Variants in ERFE observed in about 807,000 individuals in gnomAD.
ERFE encodes complement C1q tumor necrosis factor-related protein 15.
In ERFE, 25 loss-of-function variants were observed where a neutral mutation model predicts 26.6. That is an observed-to-expected ratio of 0.94 (90% CI 0.69 to 1.31). ERFE has a LOEUF of 1.31. Among genes scored for constraint, ERFE ranks in the 40% most tolerant of loss-of-function variants. The pLI, the probability that ERFE is intolerant of heterozygous loss-of-function variation, is 0.00. For missense variants in ERFE, 447 were observed against 440.2 expected, an observed-to-expected ratio of 1.02 and a Z score of -0.14; for synonymous variants, 206 against 204.5, an observed-to-expected ratio of 1.01 and a Z score of -0.06.
chr2:238,159,129 G>T lies in ERFE; in HGVS notation c.122G>T (p.Arg41Leu), dbSNP rs1412999859. Residue 41 changes from arginine (R) to leucine (L), a missense_variant, in exon 1 of 8, where the codon CGC (arginine) becomes CTC (leucine). By Grantham distance (102) the Arg-to-Leu change is moderately radical. Transcript: ENST00000546354. ...GGGGCGCCCTCGAGGAGCCGCGCCC[G>T]CAGGGAGCCGCCGCCCGGGAACGAG... The part of the protein sequence containing the change: ...EPGAPSRSRA[R>L]REPPPGNELP... The T allele has an allele frequency of 5.0e-6, 1 of 202,008 alleles. No homozygotes were observed. The highest frequency in any genetic ancestry group is 9.7e-6 in the Non-Finnish European group (1 of 102,854). The allele number at this position is 202,008 out of a possible 1,614,324, so 12.5% of individuals were successfully genotyped here. A position where few individuals can be genotyped will look rare whatever the true frequency, so the allele number is the denominator to read the frequency against.
chr2:238,162,864 CA>C, intron 3 of ERFE, 26 bp downstream of exon 3: 1 of 1,519,154 alleles, frequency 6.6e-7, no homozygotes, highest in Non-Finnish European at 8.9e-7. Context: ...GGCTGGGACA[CA>C]CACACCCCGC....
rs541338796 is a variant in ERFE at position 238,167,607 on chromosome 2, C to T, written c.*553C>T. The T allele has an allele frequency of 5.4e-5, 20 of 372,186 alleles. No individual in the cohort carries two copies. The highest frequency in any genetic ancestry group is 4.0e-4 in the African/African-American group (19 of 47,552). 23.1% of individuals were successfully genotyped at this position (372,186 alleles called of 1,614,324 possible). ...TCTGGGCTCCTTGGTCTTCCCTGCC[C>T]CTCCCCTAACCGTGTTCTACCTGCC... On this transcript the variant is annotated 3_prime_UTR_variant, in exon 8 of 8. Coordinates refer to ENST00000546354, the MANE Select transcript of ERFE (RefSeq NM_001291832.2).
chr2:238,163,299 C>T (rs1261755467), intron 3 of ERFE, among the ~76,000 whole-genome samples: 3 of 152,220 alleles, frequency 2.0e-5, no homozygotes, highest in African/African-American at 7.2e-5. Flanking sequence ...GCGGAGTCCA[C>T]ACTGAGGCCT....
At chr2:238,166,050 C>T (rs897220912) in intron 7 of ERFE, among the ~76,000 whole-genome samples, 7 of 152,194 alleles carry the variant, frequency 4.6e-5, no homozygotes, top group Non-Finnish European at 1.0e-4. Flanking sequence ...TGGAGGCCAG[C>T]ACTCTGCCCA....
intron 6 of ERFE, 113 bp downstream of exon 6, chr2:238,164,473 C>G (rs959156130): frequency 3.8e-6 from 4 of 1,039,832 alleles, no homozygotes; most frequent in South Asian, 1.4e-5. Context: ...CCACCGTGGC[C>G]TAGGTGACCC....
intron 2 of ERFE, among the ~76,000 whole-genome samples, chr2:238,162,492 C>T (rs1426974701): frequency 6.6e-6 from 1 of 152,262 alleles, no homozygotes; most frequent in Non-Finnish European, 1.5e-5. Flanking sequence ...GGGCTTCAGC[C>T]CTCTGCCTCC....
chr2:238,166,208 A>G (rs1693033143), intron 7 of ERFE, among the ~76,000 whole-genome samples: 1 of 152,212 alleles, frequency 6.6e-6, no homozygotes, highest in South Asian at 2.1e-4. Flanking sequence ...AACAAAGAAA[A>G]CAATTGAGTG....
intron 1 of ERFE, 148 bp downstream of exon 1, chr2:238,159,353 C>T (rs1692904655): frequency 1.2e-5 from 2 of 170,314 alleles, no homozygotes; most frequent in African/African-American, 4.8e-5. Flanking sequence ...TCCGCAGAGA[C>T]TCAGGGCCGT....
chr2:238,163,684 C>T (rs1413795333), intron 3 of ERFE, 53 bp from the exon 4 acceptor site: 13 of 1,263,048 alleles, frequency 1.0e-5, no homozygotes, highest in Middle Eastern at 3.0e-4. Flanking sequence ...TGGACCCACG[C>T]GGCGGGCGGG....
Position 238,163,951 on chromosome 2 carries a change from C to T in ERFE, c.639C>T (p.Asp213=). Residue 213 remains aspartate (D), a synonymous_variant, in exon 4 of 8, where the codon GAC becomes GAT. Transcript: ENST00000546354. ...CTTTCCTCTGCCGCCTGCGCCGGGA[C>T]GCGTTGGTGGAGCGGCGCGCGCTGC... is the stretch of plus-strand genomic sequence containing the variant. ...EAAFLCRLRR[D]ALVERRALHE... is the part of the protein sequence containing the mutation. 2 of 1,377,246 alleles carry T rather than the reference C, an allele frequency of 1.5e-6. No homozygotes were observed. The highest frequency in any genetic ancestry group is 3.1e-5 in the East Asian group (1 of 32,256). 85.3% of individuals were successfully genotyped at this position (1,377,246 alleles called of 1,614,324 possible). A position where few individuals can be genotyped will look rare whatever the true frequency, so the allele number is the denominator to read the frequency against.
Position 238,164,141 on chromosome 2 carries a change from C to T in ERFE, c.754C>T (p.Pro252Ser). 1.4e-6 allele frequency: 2 copies of T among 1,462,152 alleles called. No individual in the cohort carries two copies. Among genetic ancestry groups the T allele is most frequent in the Non-Finnish European group, 9.0e-7 (1 of 1,112,088 alleles). The allele number at this position is 1,462,152 out of a possible 1,614,324, so 90.6% of individuals were successfully genotyped here. A position where few individuals can be genotyped will look rare whatever the true frequency, so the allele number is the denominator to read the frequency against. Residue 252 changes from proline to serine, a missense_variant, in exon 5 of 8, where the codon CCC becomes TCC. Physicochemically the swap from Pro to Ser is moderately conservative, Grantham distance 74. Transcript: ENST00000546354. Reference protein sequence around the residue: ...LNLTSGQYRAPVAGFYALAAT... With the variant: ...LNLTSGQYRASVAGFYALAAT... ...CTTGACCAGCGGCCAGTACAGGGCGCCCGTGGCTGGCTTCTACGCTCTCGC... is the reference window on the plus strand; with the variant it reads ...CTTGACCAGCGGCCAGTACAGGGCGTCCGTGGCTGGCTTCTACGCTCTCGC...
intron 1 of ERFE, among the ~76,000 whole-genome samples, chr2:238,160,564 C>T (rs74747434): frequency 0.47 from 71,464 of 151,842 alleles, 16,981 homozygotes; most frequent in Middle Eastern, 0.6. Context: ...GCCCTGGGCC[C>T]CTGAACCCTT....
At chr2:238,160,058 C>T (rs1405519817) in intron 1 of ERFE, among the ~76,000 whole-genome samples, 3 of 152,224 alleles carry the variant, frequency 2.0e-5, no homozygotes, top group African/African-American at 7.2e-5. Context: ...ACCCCCTCCC[C>T]GTGCAGTTGG....
chr2:238,161,691 G>T lies in ERFE; in HGVS notation c.296G>T (p.Ser99Ile). ...AAGGGTGTCAATGGCAAGAAGAGGA[G>T]CAGGGGCAAGGCCAAGAAGCTGAAG... ...SDKGVNGKKR[S>I]RGKAKKLKFG... Residue 99 changes from serine (S) to isoleucine (I), a missense_variant, in exon 2 of 8, where the codon AGC (serine) becomes ATC (isoleucine). Ser to Ile is a moderately radical substitution (Grantham distance 142). Coordinates refer to ENST00000546354, the MANE Select transcript of ERFE (RefSeq NM_001291832.2). 6.5e-7 allele frequency: 1 copy of T among 1,547,570 alleles called. No individual in the cohort carries two copies. Among genetic ancestry groups the T allele is most frequent in the Admixed American group, 2.0e-5 (1 of 50,928 alleles).
chr2:238,160,910 A>G (rs1465069826), intron 1 of ERFE, among the ~76,000 whole-genome samples: 1 of 152,198 alleles, frequency 6.6e-6, no homozygotes, highest in African/African-American at 2.4e-5. Flanking sequence ...AACTGTGCTC[A>G]GTGTCAGCAT....
intron 2 of ERFE, among the ~76,000 whole-genome samples, chr2:238,162,174 C>T (rs1692948430): frequency 6.6e-6 from 1 of 152,238 alleles, no homozygotes; most frequent in South Asian, 2.1e-4. Flanking sequence ...GTGTGGGCTT[C>T]TCTGTCCCCT....
intron 5 of ERFE, 33 bp from the exon 6 acceptor site, chr2:238,164,237 G>A: frequency 5.8e-6 from 8 of 1,380,096 alleles, no homozygotes; most frequent in South Asian, 1.5e-5. Flanking sequence ...CCCGCCGCCC[G>A]CCCGCTTGAC....
At position 238,168,237 on chromosome 2, in the gene ERFE, T is replaced by G. The variant is rs1188013014; in HGVS notation, c.*1183T>G. ...TGTGAGCCCGCAGCCTCCTCAAATGTAGCCTCCCACATTTTCCCCAAAGTA... is the reference window on the plus strand; with the variant it reads ...TGTGAGCCCGCAGCCTCCTCAAATGGAGCCTCCCACATTTTCCCCAAAGTA... On this transcript the variant is annotated 3_prime_UTR_variant, in exon 8 of 8. Transcript: ENST00000546354. 1 of 358,180 alleles carries G rather than the reference T, an allele frequency of 2.8e-6. No homozygotes were observed. Among genetic ancestry groups the G allele is most frequent in the Non-Finnish European group, 5.8e-6 (1 of 173,676 alleles). The allele number at this position is 358,180 out of a possible 1,614,324, so 22.2% of individuals were successfully genotyped here.
Position 238,167,078 on chromosome 2 carries a change from T to G in ERFE, c.*24T>G. On this transcript the variant is annotated 3_prime_UTR_variant, in exon 8 of 8. Transcript: ENST00000546354. ...GAGCGGCCACCACAGGCCCTTCCTC[T>G]CAGGGGCAAATGGAGCACAGATCTA... 6.5e-7 allele frequency: 1 copy of G among 1,544,366 alleles called. No homozygotes were observed. The highest frequency in any genetic ancestry group is 8.8e-7 in the Non-Finnish European group (1 of 1,142,198).
Sources: gnomAD v4.1 joint callset for allele counts (sites outside exome capture counted in the v4.1 genomes callset) on GRCh38, gnomAD v4.1.1 for gene constraint, MANE v1.5 for transcripts, NCBI Gene and HGNC (gene_info 2026-07-23, HGNC 2026-07-21) for gene names.